Variants in HOXC6 observed in about 807,000 individuals in gnomAD.
HOXC6 encodes the protein homeobox C6.
HOXC6 carries 10 observed loss-of-function variants against 24.0 expected under a neutral mutation model. That is an observed-to-expected ratio of 0.42 (90% CI 0.26 to 0.71). The LOEUF is 0.71. Among genes scored for constraint, HOXC6 ranks in the 30% least tolerant of loss-of-function variants. The pLI, the probability that HOXC6 is intolerant of heterozygous loss-of-function variation, is 0.28. For missense variants in HOXC6, 258 were observed against 303.4 expected, an observed-to-expected ratio of 0.85 and a Z score of 1.11; for synonymous variants, 123 against 128.1, an observed-to-expected ratio of 0.96 and a Z score of 0.27.
intron 1 of HOXC6, chr12:54,021,768 A>ACGGCGCCGCAGCTCTGCCG (rs1433853382): frequency 6.6e-6 from 1 of 152,278 alleles, no homozygotes; most frequent in Non-Finnish European, 1.5e-5. Flanking sequence ...GGCCTCTGCC[A>ACGGCGCCGCAGCTCTGCCG]CGGCGCCGCA....
chr12:54,029,544 A>G, intron 1 of HOXC6, 111 bp from the exon 2 acceptor site: 1 of 1,122,862 alleles, frequency 8.9e-7, no homozygotes, highest in Admixed American at 2.3e-5. Flanking sequence ...AGCCCTAAGG[A>G]GGCTGTGAGC....
upstream of HOXC6, among the ~76,000 whole-genome samples, chr12:54,026,759 T>TC (rs560393172): frequency 1.6e-4 from 24 of 152,118 alleles, no homozygotes; most frequent in East Asian, 4.3e-3. Context: ...ACTTTATTTT[T>TC]CCCCCCTAGC....
At chr12:54,019,190 C>G (rs996260059) in intron 1 of HOXC6, among the ~76,000 whole-genome samples, 8 of 143,374 alleles carry the variant, frequency 5.6e-5, no homozygotes, top group African/African-American at 1.8e-4. Flanking sequence ...CCCCCACCCC[C>G]AGTAGGACTT....
chr12:54,020,355 G>T (rs1463877822), intron 1 of HOXC6: 1 of 152,212 alleles, frequency 6.6e-6, no homozygotes, highest in Non-Finnish European at 1.5e-5. Context: ...CCTTATAAGG[G>T]GCTTTGTCAG....
In HOXC6 at chr12:54,022,374, A is replaced by G. The variant is rs192830708; in HGVS notation, c.-193+4960A>G. 3.3e-5 allele frequency: 5 copies of G among 152,310 alleles called. No homozygotes were observed. The East Asian group carries it at 9.6e-4, about 29-fold the overall frequency. 9.4% of individuals were successfully genotyped at this position (152,310 alleles called of 1,614,324 possible). Reference sequence around the variant, plus strand: ...AAATTGCCCCTTTGCTAAAGATCCTATATGTCTCCAATCCTGCCAGGTGTA... The same window carrying G: ...AAATTGCCCCTTTGCTAAAGATCCTGTATGTCTCCAATCCTGCCAGGTGTA... On this transcript the variant is annotated intron_variant, in intron 1 of 2. Coordinates refer to the HOXC6 transcript ENST00000394331.
chr12:54,028,927 T>A lies in HOXC6; in HGVS notation c.400+6T>A. The A allele has an allele frequency of 6.2e-7, 1 of 1,601,236 alleles. No individual in the cohort carries two copies. The highest frequency in any genetic ancestry group is 2.2e-5 in the East Asian group (1 of 44,726). ...GCGAATGAATTCGCACAGTGGTGAG[T>A]TTTACAGCTCCGAGATATAAATTAA... On this transcript the variant is annotated splice_donor_region_variant and intron_variant, in intron 1 of 1. Coordinates refer to ENST00000243108, the MANE Select transcript of HOXC6 (RefSeq NM_004503.4).
Position 54,029,672 on chromosome 12 carries a change from G to C in HOXC6, c.418G>C (p.Asp140His). 11 of 1,613,598 alleles carry C rather than the reference G, an allele frequency of 6.8e-6. No homozygotes were observed. The highest frequency in any genetic ancestry group is 8.5e-6 in the Non-Finnish European group (10 of 1,179,616). Residue 140 changes from aspartate to histidine, a missense_variant, in exon 2 of 2, where the codon GAC becomes CAC. Physicochemically the swap from Asp to His is moderately conservative, Grantham distance 81. Coordinates refer to ENST00000243108, the MANE Select transcript of HOXC6 (RefSeq NM_004503.4). ...ATCTTTAGGGGTCGGCTACGGAGCG[G>C]ACCGGAGGCGCGGCCGCCAGATCTA... ...NSHSGVGYGA[D>H]RRRGRQIYSR...
At position 54,028,919 on chromosome 12, in the gene HOXC6, G is replaced by A. The variant is rs761958008; in HGVS notation, c.398G>A (p.Ser133Asn). The change falls in exon 1 of 2, where the codon AGT becomes AAT. Residue 133 changes from serine (S) to asparagine (N), a missense_variant and splice_region_variant. Transcript: ENST00000243108. Reference protein sequence around the residue: ...YPWMQRMNSHSGVGYGADRRR... With the variant: ...YPWMQRMNSHNGVGYGADRRR... ...TGGATGCAGCGAATGAATTCGCACAGTGGTGAGTTTTACAGCTCCGAGATA... is the reference window on the plus strand; with the variant it reads ...TGGATGCAGCGAATGAATTCGCACAATGGTGAGTTTTACAGCTCCGAGATA... 1.9e-6 allele frequency: 3 copies of A among 1,606,722 alleles called. No individual in the cohort carries two copies. Among genetic ancestry groups the A allele is most frequent in the African/African-American group, 1.3e-5 (1 of 74,756 alleles).
intron 1 of HOXC6, 27 bp from the exon 2 acceptor site, chr12:54,029,628 T>C (rs1391117777): frequency 2.5e-6 from 4 of 1,602,690 alleles, no homozygotes; most frequent in Non-Finnish European, 3.4e-6. Flanking sequence ...TGATTGCTTT[T>C]AGTGTGTTTT....
At chr12:54,023,006 C>A (rs1457505902) in intron 1 of HOXC6, among the ~76,000 whole-genome samples, 1 of 152,186 alleles carries the variant, frequency 6.6e-6, no homozygotes, top group African/African-American at 2.4e-5. Flanking sequence ...GGATATTCTG[C>A]ATTTTAATTT....
chr12:54,026,727 ACTGT>A (rs1288950744), upstream of HOXC6, among the ~76,000 whole-genome samples: 3 of 152,140 alleles, frequency 2.0e-5, no homozygotes, highest in Admixed American at 1.3e-4. Context: ...GCTCCTGCAC[ACTGT>A]CTGCTTTTGG....
chr12:54,023,930 C>A (rs1565737818), upstream of HOXC6, among the ~76,000 whole-genome samples: 1 of 152,132 alleles, frequency 6.6e-6, no homozygotes, highest in Admixed American at 6.5e-5. Context: ...AGGCTCTTTG[C>A]GATCTGATCC....
At chr12:54,024,792 A>G (rs984535984), upstream of HOXC6, among the ~76,000 whole-genome samples, 22 of 151,970 alleles carry the variant, frequency 1.4e-4, no homozygotes, top group African/African-American at 5.3e-4. Flanking sequence ...CTGCAATGCC[A>G]CCCTTATCCT....
In HOXC6 at chr12:54,030,561, C is replaced by T. The variant is rs1418935569; in HGVS notation, c.*599C>T. The T allele has an allele frequency of 6.6e-6, 1 of 152,556 alleles. No individual in the cohort carries two copies. The highest frequency in any genetic ancestry group is 1.5e-5 in the Non-Finnish European group (1 of 68,030). The allele number at this position is 152,556 out of a possible 1,614,324, so 9.5% of individuals were successfully genotyped here. ...GGCATTTTACAAACTGTGACCGTTT[C>T]TGTGTGAAGATTTTTAGCTGTATTT... is the stretch of plus-strand genomic sequence containing the variant. On this transcript the variant is annotated 3_prime_UTR_variant, in exon 2 of 2. Coordinates refer to ENST00000243108, the MANE Select transcript of HOXC6 (RefSeq NM_004503.4).
Position 54,017,667 on chromosome 12 carries a change from A to T in HOXC6, c.-193+253A>T, listed in dbSNP as rs1485316342. Among the ~76,000 whole-genome samples, 138 of 151,872 alleles carry T rather than the reference A, an allele frequency of 9.1e-4. 2 individuals are homozygous for T. Among genetic ancestry groups the T allele is most frequent in the Non-Finnish European group, 8.8e-5 (6 of 67,926 alleles). ...AAGTTGGGGGTGGGGAGGCAAGGGA[A>T]CAGCACCTGTGGGGCTCAAGCCGGC... On this transcript the variant is annotated intron_variant, in intron 1 of 2. Transcript: ENST00000394331.
chr12:54,019,549 C>T (rs990033787), intron 1 of HOXC6, among the ~76,000 whole-genome samples: 2 of 152,178 alleles, frequency 1.3e-5, no homozygotes, highest in Non-Finnish European at 2.9e-5. Context: ...CGCCCCCGCC[C>T]CTGTGGATGG....
In HOXC6 at chr12:54,028,658, A is replaced by C. The variant is rs79558505; in HGVS notation, c.137A>C (p.Gln46Pro). The stretch of plus-strand genomic sequence containing the variant: ...TCGACCTATGGAGCGGCCGTTGCCC[A>C]GAACCGGATCTACTCGACTCCCTTT... ...HFSTYGAAVA[Q>P]NRIYSTPFYS... Residue 46 changes from glutamine (Q) to proline (P), a missense_variant, in exon 1 of 2, where the codon CAG becomes CCG. Gln to Pro is a moderately conservative substitution (Grantham distance 76, BLOSUM62 -1). Transcript: ENST00000243108. 2 of 1,614,136 alleles carry C rather than the reference A, an allele frequency of 1.2e-6. No individual in the cohort carries two copies. Among genetic ancestry groups the C allele is most frequent in the Non-Finnish European group, 1.7e-6 (2 of 1,180,022 alleles).
At chr12:54,026,968 G>GT (rs1042785357), upstream of HOXC6, among the ~76,000 whole-genome samples, 1 of 135,122 alleles carries the variant, frequency 7.4e-6, no homozygotes, top group East Asian at 2.3e-4. Context: ...AAATGGTGGG[G>GT]GGGGGGGGAT....
chr12:54,029,643 C>T lies in HOXC6; in HGVS notation c.401-12C>T. On this transcript the variant is annotated splice_polypyrimidine_tract_variant and intron_variant, in intron 1 of 1. Transcript: ENST00000243108. Reference sequence around the variant, plus strand: ...TGATTGCTTTTAGTGTGTTTTGTGCCCGGATCTTTAGGGGTCGGCTACGGA... The same window carrying T: ...TGATTGCTTTTAGTGTGTTTTGTGCTCGGATCTTTAGGGGTCGGCTACGGA... 3.1e-6 allele frequency: 5 copies of T among 1,608,156 alleles called. No individual in the cohort carries two copies. The highest frequency in any genetic ancestry group is 4.3e-6 in the Non-Finnish European group (5 of 1,175,858).
Sources: allele counts gnomAD v4.1 joint callset (sites outside exome capture counted in the v4.1 genomes callset), GRCh38; gene constraint gnomAD v4.1.1; transcripts MANE v1.5; gene names NCBI Gene and HGNC (gene_info 2026-07-23, HGNC 2026-07-21).